BCAR1: variants seen among roughly 807,000 people sequenced by gnomAD.
The protein encoded by BCAR1 is breast cancer anti-estrogen resistance protein 1.
In BCAR1, 30 loss-of-function variants were observed where a neutral mutation model predicts 67.6. That is an observed-to-expected ratio of 0.44 (90% CI 0.33 to 0.60). The LOEUF (loss-of-function observed/expected upper bound fraction) is 0.60. BCAR1 is among the 20% of genes least tolerant of loss of function. The probability of loss-of-function intolerance (pLI) is 0.02; values close to 1 mark genes in which losing one functional copy is unlikely to be tolerated. For missense variants in BCAR1, 1,313 were observed against 1,222.3 expected (o/e 1.07, Z -1.11); for synonymous variants, 626 against 556.7 (o/e 1.12, Z -1.75).
At chr16:75,250,113 TCAGA>T (rs775097878) in intron 1 of BCAR1, 6 of 152,636 alleles carry the variant, frequency 3.9e-5, no homozygotes, top group African/African-American at 7.2e-5. Flanking sequence ...ACCCTCCTGC[TCAGA>T]CAAACAGTAA....
At chr16:75,258,891 TG>T (rs1234033519) in intron 1 of BCAR1, among the ~76,000 whole-genome samples, 1 of 152,030 alleles carries the variant, frequency 6.6e-6, no homozygotes, top group Admixed American at 6.6e-5. Flanking sequence ...AAGGAGTGTC[TG>T]CCTGGAGGGG....
At chr16:75,233,471 G>A (rs2076973366) in intron 6 of BCAR1, among the ~76,000 whole-genome samples, 2 of 152,318 alleles carry the variant, frequency 1.3e-5, no homozygotes, top group African/African-American at 2.4e-5. Flanking sequence ...TAACGCCATG[G>A]CAGATGCTGG....
Position 75,235,392 on chromosome 16 carries a change from C to T in BCAR1, c.1507G>A (p.Asp503Asn). ...ACAGCGGCCACAGCAGCCTGCAGGT[C>T]CTGCACCAGCGGCTCCTGTGGCTCA... ...PSEPQEPLVQ[D>N]LQAAVAAVQS... Residue 503 changes from aspartate to asparagine, a missense_variant, in exon 5 of 7, where the codon GAC becomes AAC. Coordinates refer to ENST00000162330, the MANE Select transcript of BCAR1 (RefSeq NM_014567.5). 6.2e-7 allele frequency: 1 copy of T among 1,606,708 alleles called. No individual in the cohort carries two copies. Among genetic ancestry groups the T allele is most frequent in the Non-Finnish European group, 8.5e-7 (1 of 1,178,422 alleles).
intron 1 of BCAR1, among the ~76,000 whole-genome samples, chr16:75,267,160 C>T (rs1049377730): frequency 6.6e-6 from 1 of 152,130 alleles, no homozygotes; most frequent in Non-Finnish European, 1.5e-5. Context: ...GTGAGGATCC[C>T]AAGAGGCCAG....
chr16:75,233,875 G>T lies in BCAR1; in HGVS notation c.2071C>A (p.Gln691Lys). The T allele has an allele frequency of 1.2e-6, 2 of 1,609,952 alleles. No homozygotes were observed. The highest frequency in any genetic ancestry group is 1.7e-6 in the Non-Finnish European group (2 of 1,178,360). The change falls in exon 6 of 7, where the codon CAG becomes AAG. Residue 691 changes from glutamine (Q) to lysine (K), a missense_variant. This residue lies in a region of BCAR1 where 1,272 missense variants were observed against 1,137.5 expected (regional missense o/e 1.12). Coordinates refer to ENST00000162330, the MANE Select transcript of BCAR1 (RefSeq NM_014567.5). Reference protein sequence around the residue: ...ELLEKGSITRQGKSQLELQQL... With the variant: ...ELLEKGSITRKGKSQLELQQL... Reference sequence around the variant, plus strand: ...TGCAACTCCAGCTGGCTCTTGCCCTGCCGCGTGATGCTGCCCTTTTCCAGC... The same window carrying T: ...TGCAACTCCAGCTGGCTCTTGCCCTTCCGCGTGATGCTGCCCTTTTCCAGC...
At chr16:75,243,307 T>C (rs1283016801) in intron 1 of BCAR1, among the ~76,000 whole-genome samples, 1 of 152,098 alleles carries the variant, frequency 6.6e-6, no homozygotes, top group Non-Finnish European at 1.5e-5. Flanking sequence ...CAACTGCACC[T>C]GTATAGCACC....
At chr16:75,254,236 A>G (rs1032469868), upstream of BCAR1, among the ~76,000 whole-genome samples, 2 of 152,128 alleles carry the variant, frequency 1.3e-5, no homozygotes, top group African/African-American at 4.8e-5. Context: ...CTGCAGCAGG[A>G]AGGGAATCTA....
chr16:75,252,109 G>C, upstream of BCAR1: 1 of 1,319,594 alleles, frequency 7.6e-7, no homozygotes, highest in Non-Finnish European at 1.1e-6. Flanking sequence ...GCCTGTAGGA[G>C]ACGAATCATC....
intron 5 of BCAR1, 119 bp downstream of exon 5, chr16:75,234,770 G>T: frequency 7.0e-7 from 1 of 1,429,708 alleles, no homozygotes; most frequent in Non-Finnish European, 9.3e-7. Flanking sequence ...GGAGGTCAAA[G>T]TGAGAGGAGG....
intron 2 of BCAR1, 157 bp from the exon 3 acceptor site, chr16:75,237,501 C>G (rs1011419910): frequency 2.0e-5 from 17 of 866,696 alleles, no homozygotes; most frequent in Non-Finnish European, 2.8e-5. Flanking sequence ...CCCCTCTGCA[C>G]CATCTGACCT....
At chr16:75,253,701 C>T (rs2077722707), upstream of BCAR1, among the ~76,000 whole-genome samples, 1 of 152,230 alleles carries the variant, frequency 6.6e-6, no homozygotes, top group Non-Finnish European at 1.5e-5. Context: ...GGAAACAAGG[C>T]CCCAGAAGTT....
At chr16:75,266,947 G>C in intron 1 of BCAR1, 1 of 235,714 alleles carries the variant, frequency 4.2e-6, no homozygotes, top group Non-Finnish European at 6.9e-6. Context: ...CTCTGTGTGG[G>C]TGCCCATGTG....
At position 75,243,044 on chromosome 16, in the gene BCAR1, T is replaced by C. The variant is rs532358202; in HGVS notation, c.59A>G (p.Asp20Gly). The change falls in exon 2 of 7, where the codon GAT (aspartate) becomes GGT (glycine). Residue 20 changes from aspartate to glycine, a missense_variant. By Grantham distance (94) the Asp-to-Gly change is moderately conservative. Transcript: ENST00000162330. ...GTCACCCTTGCGGAAGGAGAGCTCA[T>C]CCGGGGACTCGGCCACATTGTCATA... is the stretch of plus-strand genomic sequence containing the variant. ...ALYDNVAESPDELSFRKGDIM... is the reference protein window; with the variant it reads ...ALYDNVAESPGELSFRKGDIM... The C allele has an allele frequency of 1.2e-6, 2 of 1,608,686 alleles. No homozygotes were observed. The highest frequency in any genetic ancestry group is 1.7e-6 in the Non-Finnish European group (2 of 1,176,170).
intron 1 of BCAR1, chr16:75,243,591 A>C (rs1349788614): frequency 2.3e-6 from 1 of 437,338 alleles, no homozygotes; most frequent in East Asian, 6.9e-5. Flanking sequence ...CCAAATCCAA[A>C]AAGTCAGTAA....
chr16:75,233,575 C>T (rs191118416), intron 6 of BCAR1, among the ~76,000 whole-genome samples: 1 of 152,314 alleles, frequency 6.6e-6, no homozygotes, highest in East Asian at 1.9e-4. Flanking sequence ...CGTGCTGAGC[C>T]TATGGCAGCT....
intron 4 of BCAR1, 87 bp from the exon 5 acceptor site, chr16:75,236,073 CACACGT>C: frequency 6.9e-7 from 1 of 1,454,604 alleles, no homozygotes; most frequent in Non-Finnish European, 9.2e-7. Flanking sequence ...CACACACACA[CACACGT>C]ACACACATAC....
intron 1 of BCAR1, among the ~76,000 whole-genome samples, chr16:75,244,928 G>A (rs2151443557): frequency 6.6e-6 from 1 of 152,364 alleles, no homozygotes; most frequent in East Asian, 1.9e-4. Context: ...AGAGATGTCT[G>A]AGACAATGGA....
chr16:75,239,009 G>C (rs1054119772), intron 2 of BCAR1: 1 of 985,300 alleles, frequency 1.0e-6, no homozygotes, highest in East Asian at 1.1e-4. Flanking sequence ...TGAGGCCCAG[G>C]GGTGCAGCTG....
upstream of BCAR1, among the ~76,000 whole-genome samples, chr16:75,253,856 C>G (rs1450340637): frequency 6.6e-6 from 1 of 152,232 alleles, no homozygotes. Context: ...GACAGGGATG[C>G]AGCCCCACAT....
Sources: gnomAD v4.1 joint callset for allele counts (sites outside exome capture counted in the v4.1 genomes callset) on GRCh38, gnomAD v4.1.1 for gene constraint, gnomAD v4.1.1 regional missense constraint, MANE v1.5 for transcripts, NCBI Gene and HGNC (gene_info 2026-07-23, HGNC 2026-07-21) for gene names.